FOCAD: variants seen among roughly 807,000 people sequenced by gnomAD.
FOCAD encodes KIAA1797.
Under a neutral mutation model 225.6 loss-of-function variants are expected in FOCAD, and 198 were observed. The observed-to-expected ratio is 0.88, with a 90% confidence interval of 0.78 to 0.99. The LOEUF (loss-of-function observed/expected upper bound fraction) is 0.99, where lower values mean the gene tolerates loss of function less well. FOCAD is among the 50% of genes least tolerant of loss of function. The probability of loss-of-function intolerance (pLI) is 0.00; values close to 1 mark genes in which losing one functional copy is unlikely to be tolerated. For synonymous variants in FOCAD, 897 were observed against 755.0 expected (o/e 1.19, Z -3.08); for missense variants, 2,713 against 2,123.6 (o/e 1.28, Z -5.46).
At chr9:20,880,323 A>C (rs200390368) in intron 19 of FOCAD, among the ~76,000 whole-genome samples, 2 of 152,170 alleles carry the variant, frequency 1.3e-5, no homozygotes, top group East Asian at 3.8e-4. Context: ...GAGTATCTGT[A>C]TTATAAATTG....
chr9:20,726,203 C>T (rs1395275912), intron 4 of FOCAD: 1 of 152,154 alleles, frequency 6.6e-6, no homozygotes, highest in Non-Finnish European at 1.5e-5. Flanking sequence ...TGACTGTATC[C>T]TGGAATAGAG....
At position 20,990,211 on chromosome 9, in the gene FOCAD, G is replaced by T; in HGVS notation, c.5093G>T (p.Ser1698Ile). 4 of 1,614,212 alleles carry T rather than the reference G, an allele frequency of 2.5e-6. No individual in the cohort carries two copies. Among genetic ancestry groups the T allele is most frequent in the Non-Finnish European group, 3.4e-6 (4 of 1,180,020 alleles). Reference sequence around the variant, plus strand: ...CCTCTCCTCCTCGGCCTCAGTGCCAGTTGGTTGCCATGGCATCAGGAGAAT... The same window carrying T: ...CCTCTCCTCCTCGGCCTCAGTGCCATTTGGTTGCCATGGCATCAGGAGAAT... ...TAPLLLGLSA[S>I]WLPWHQENGP... is the part of the protein sequence containing the mutation. Residue 1698 changes from serine to isoleucine, a missense_variant, in exon 42 of 44, where the codon AGT (serine) becomes ATT (isoleucine). By Grantham distance (142) the Ser-to-Ile change is moderately radical. Transcript: ENST00000338382.
intron 11 of FOCAD, among the ~76,000 whole-genome samples, chr9:20,813,870 T>C (rs573617670): frequency 6.6e-6 from 1 of 152,328 alleles, no homozygotes; most frequent in East Asian, 1.9e-4. Flanking sequence ...TTTTCCCCTT[T>C]GGTTCTGTCA....
At chr9:20,714,664 C>G (rs1011741734) in intron 1 of FOCAD, among the ~76,000 whole-genome samples, 13 of 147,398 alleles carry the variant, frequency 8.8e-5, no homozygotes, top group African/African-American at 3.4e-4. Flanking sequence ...TCCTTCCTTC[C>G]TTCCTTCCTT....
At chr9:20,883,966 A>G (rs868550929) in intron 20 of FOCAD, among the ~76,000 whole-genome samples, 3 of 152,216 alleles carry the variant, frequency 2.0e-5, no homozygotes, top group African/African-American at 7.2e-5. Context: ...CTGAGAGCTT[A>G]ACTGACCGTT....
At chr9:20,861,243 A>G (rs1020712390) in intron 15 of FOCAD, among the ~76,000 whole-genome samples, 2 of 152,150 alleles carry the variant, frequency 1.3e-5, no homozygotes, top group African/African-American at 2.4e-5. Flanking sequence ...TAAGGTGTCA[A>G]GTTTTTGAAG....
At chr9:20,660,108 CAGGTTCAGTGGT>C (rs1416770305) in intron 2 of FOCAD, among the ~76,000 whole-genome samples, 3 of 152,116 alleles carry the variant, frequency 2.0e-5, no homozygotes, top group Admixed American at 6.5e-5. Context: ...TCCTTATGGA[CAGGTTCAGTGGT>C]AGCTAAATAT....
chr9:20,817,559 T>C (rs1441743938), intron 11 of FOCAD, among the ~76,000 whole-genome samples: 1 of 152,092 alleles, frequency 6.6e-6, no homozygotes, highest in Non-Finnish European at 1.5e-5. Context: ...TGTGTGGTTA[T>C]ATTGTATTTT....
intron 34 of FOCAD, among the ~76,000 whole-genome samples, chr9:20,952,151 T>G (rs986869144): frequency 6.6e-6 from 1 of 152,188 alleles, no homozygotes; most frequent in East Asian, 1.9e-4. Flanking sequence ...CCTGGTAAGA[T>G]AGGATATTTA....
At chr9:20,924,495 A>T (rs1564159216) in intron 25 of FOCAD, among the ~76,000 whole-genome samples, 2 of 152,214 alleles carry the variant, frequency 1.3e-5, no homozygotes, top group Non-Finnish European at 2.9e-5. Context: ...TGCTCACCAG[A>T]TAGGATTGTT....
At chr9:20,748,443 T>C (rs1234378015) in intron 5 of FOCAD, among the ~76,000 whole-genome samples, 2 of 152,052 alleles carry the variant, frequency 1.3e-5, no homozygotes, top group African/African-American at 4.8e-5. Flanking sequence ...TCTTAAGAAT[T>C]ACATAAAAGT....
intron 37 of FOCAD, among the ~76,000 whole-genome samples, 191 bp downstream of exon 37, chr9:20,978,645 C>T (rs1443094688): frequency 6.6e-6 from 1 of 152,162 alleles, no homozygotes; most frequent in Admixed American, 6.5e-5. Flanking sequence ...TAGCCATTAC[C>T]GTTCATGCTT....
chr9:20,940,391 ATCC>A (rs887492699), intron 28 of FOCAD, among the ~76,000 whole-genome samples: 8 of 151,652 alleles, frequency 5.3e-5, no homozygotes, highest in African/African-American at 1.9e-4. Context: ...GGCTCAAGCA[ATCC>A]TCCTGCCTCA....
chr9:20,786,828 A>G (rs965235053), intron 10 of FOCAD: 4 of 169,192 alleles, frequency 2.4e-5, no homozygotes, highest in African/African-American at 9.5e-5. Flanking sequence ...ATTTATTTAA[A>G]TGTATTTTTC....
chr9:20,951,595 C>T (rs4606148), intron 34 of FOCAD, among the ~76,000 whole-genome samples: 106,440 of 152,042 alleles, frequency 0.7, 37,611 homozygotes, highest in East Asian at 0.94. Context: ...TTCTGGCCTC[C>T]GATTTTGAAA....
In FOCAD at chr9:20,953,261, G is replaced by T. The variant is rs10121522; in HGVS notation, c.4132+196G>T. 0.017 allele frequency among the ~76,000 whole-genome samples: 2,612 copies of T among 152,304 alleles called. 79 individuals carry two copies. The highest frequency in any genetic ancestry group is 0.06 in the African/African-American group (2,499 of 41,560). On this transcript the variant is annotated intron_variant, in intron 35 of 43. Transcript: ENST00000338382. ...TAATTGGTACGTAAATATACACATT[G>T]TGTGGTTTCTTAGAATCACTGTCTC...
chr9:20,767,961 C>G (rs953870799), intron 7 of FOCAD, among the ~76,000 whole-genome samples: 4 of 152,070 alleles, frequency 2.6e-5, no homozygotes, highest in African/African-American at 9.7e-5. Context: ...GGTTTTATGT[C>G]TAATGTTTAA....
At chr9:20,818,911 C>A (rs1480926060) in intron 11 of FOCAD, among the ~76,000 whole-genome samples, 1 of 152,068 alleles carries the variant, frequency 6.6e-6, no homozygotes, top group Non-Finnish European at 1.5e-5. Context: ...AAGAAGCCAG[C>A]TGGAATTTTG....
At position 20,907,172 on chromosome 9, in the gene FOCAD, G is replaced by A; in HGVS notation, c.2648G>A (p.Trp883Ter). ...VHEVHIQLSE[W>*]HRAIFLPQAW... is the part of the protein sequence containing the mutation. ...TAGGTTCATATCCAGCTTTCAGAGT[G>A]GCACCGTGCAATTTTTCTTCCACAG... Residue 883 changes from tryptophan to a stop codon, truncating the protein, a stop_gained, in exon 22 of 44, where the codon TGG becomes TAG. Transcript: ENST00000338382. LOFTEE classifies it high-confidence loss of function. 6.2e-7 allele frequency: 1 copy of A among 1,613,016 alleles called. No individual in the cohort carries two copies. Among genetic ancestry groups the A allele is most frequent in the Non-Finnish European group, 8.5e-7 (1 of 1,179,394 alleles).
Sources: gnomAD v4.1 joint callset for allele counts (sites outside exome capture counted in the v4.1 genomes callset) on GRCh38, gnomAD v4.1.1 for gene constraint, MANE v1.5 for transcripts, NCBI Gene and HGNC (gene_info 2026-07-23, HGNC 2026-07-21) for gene names.